Variants in CDH18 observed in about 807,000 individuals in gnomAD.
The protein encoded by CDH18 is cadherin-18.
In CDH18, 31 loss-of-function variants were observed where a neutral mutation model predicts 67.9. The observed-to-expected ratio is 0.46, with a 90% CI of 0.34 to 0.62. The LOEUF is 0.62. Among genes scored for constraint, CDH18 ranks in the 20% least tolerant of loss-of-function variants. The probability of loss-of-function intolerance (pLI) is 0.01; values close to 1 mark genes in which losing one functional copy is unlikely to be tolerated. For missense variants in CDH18, 890 were observed against 975.5 expected, an observed-to-expected ratio of 0.91 and a Z score of 1.17; for synonymous variants, 362 against 347.2, an observed-to-expected ratio of 1.04 and a Z score of -0.48.
rs149115290 is a variant in CDH18, at chr5:19,483,479, A to G, written c.1704T>C (p.Ile568=). The change falls in exon 12 of 13, where the codon ATT becomes ATC. Residue 568 remains isoleucine (I), a synonymous_variant. Transcript: ENST00000382275. ...RTVQDVYYLP[I]MISDGGIPSL... ...AGGGGATTCCACCATCAGAGATCATAATGGGCAGATAATACACATCCTGAA... is the reference window on the plus strand; with the variant it reads ...AGGGGATTCCACCATCAGAGATCATGATGGGCAGATAATACACATCCTGAA... The G allele has an allele frequency of 1.9e-6, 3 of 1,614,002 alleles. No homozygotes were observed. In the African/African-American group the frequency reaches 4.0e-5, roughly 22 times the overall value.
At chr5:20,484,650 G>A (rs1204443019) in intron 1 of CDH18, among the ~76,000 whole-genome samples, 1 of 151,978 alleles carries the variant, frequency 6.6e-6, no homozygotes, top group African/African-American at 2.4e-5. Flanking sequence ...GGAATTGGAG[G>A]TCCTTATGTT....
chr5:19,937,984 A>G (rs976522755), intron 2 of CDH18, among the ~76,000 whole-genome samples: 5 of 145,862 alleles, frequency 3.4e-5, no homozygotes, highest in African/African-American at 1.3e-4. Flanking sequence ...TAGTGTATAT[A>G]AATAGCAAAT....
At chr5:20,362,105 C>G (rs4526107) in intron 1 of CDH18, among the ~76,000 whole-genome samples, 30,468 of 151,862 alleles carry the variant, frequency 0.2, 3,186 homozygotes, top group East Asian at 0.3. Context: ...GAATTAATGT[C>G]AAGGAATGTA....
rs182989663 is a variant in CDH18 at position 20,388,406 on chromosome 5, T to C, written c.-579-132901A>G. Reference sequence around the variant, plus strand: ...GTAGTTTGTATTTCTATGGGATCGGTGGTGATATCCCCTTTATCATTTTTT... The same window carrying C: ...GTAGTTTGTATTTCTATGGGATCGGCGGTGATATCCCCTTTATCATTTTTT... On this transcript the variant is annotated intron_variant, in intron 1 of 14. Transcript: ENST00000507958. 7.7e-3 allele frequency among the ~76,000 whole-genome samples: 1,158 copies of C among 149,608 alleles called. 11 individuals are homozygous for C. Among genetic ancestry groups the C allele is most frequent in the African/African-American group, 0.027 (1,090 of 40,138 alleles).
intron 1 of CDH18, among the ~76,000 whole-genome samples, chr5:20,319,990 C>T (rs1010659591): frequency 1.3e-5 from 2 of 152,118 alleles, no homozygotes; most frequent in African/African-American, 4.8e-5. Flanking sequence ...TTTATATTCT[C>T]TCTGATTCCA....
At chr5:20,278,125 A>C (rs1000613304) in intron 1 of CDH18, among the ~76,000 whole-genome samples, 3 of 152,144 alleles carry the variant, frequency 2.0e-5, no homozygotes, top group Non-Finnish European at 4.4e-5. Context: ...AACTTCTCAA[A>C]TCAAGAAAAA....
chr5:20,497,739 T>G (rs1753996045), intron 1 of CDH18, among the ~76,000 whole-genome samples: 1 of 152,080 alleles, frequency 6.6e-6, no homozygotes, highest in Admixed American at 6.6e-5. Context: ...AAAGAGACCC[T>G]CATGAGAAAA....
intron 2 of CDH18, among the ~76,000 whole-genome samples, chr5:20,110,545 G>A (rs1747374151): frequency 6.6e-6 from 1 of 152,178 alleles, no homozygotes. Flanking sequence ...TTAGCCGGGT[G>A]TGGTGGCATG....
At chr5:20,481,073 C>A (rs1474373425) in intron 1 of CDH18, among the ~76,000 whole-genome samples, 1 of 151,738 alleles carries the variant, frequency 6.6e-6, no homozygotes, top group Non-Finnish European at 1.5e-5. Context: ...AAAAGCAAGA[C>A]CCAGTATCTG....
At chr5:20,575,575 T>C (rs1332015373) in exon 1 of CDH18, 4 of 152,250 alleles carry the variant, frequency 2.6e-5, no homozygotes. Flanking sequence ...TAAGATGAGC[T>C]ATTCCAAGGT....
At chr5:20,303,530 A>C (rs1174476657) in intron 1 of CDH18, among the ~76,000 whole-genome samples, 2 of 152,174 alleles carry the variant, frequency 1.3e-5, no homozygotes, top group Non-Finnish European at 2.9e-5. Context: ...CTTCAAAATA[A>C]AAATAAAGCA....
chr5:19,588,204 C>G (rs1021261837), intron 7 of CDH18, among the ~76,000 whole-genome samples: 1 of 151,958 alleles, frequency 6.6e-6, no homozygotes, highest in Non-Finnish European at 1.5e-5. Flanking sequence ...GAGGAAGTTT[C>G]CGAGATATAG....
chr5:19,600,490 G>T (rs1746949003), intron 6 of CDH18, among the ~76,000 whole-genome samples: 1 of 150,156 alleles, frequency 6.7e-6, no homozygotes, highest in Non-Finnish European at 1.5e-5. Context: ...ACTAAGGGTT[G>T]TCTCTCCTCA....
rs144135084 is a variant in CDH18, at chr5:20,336,472, C to T, written c.-579-80967G>A. Among the ~76,000 whole-genome samples, 1,084 of 152,148 alleles carry T rather than the reference C, an allele frequency of 7.1e-3. 9 individuals are homozygous for T. The highest frequency in any genetic ancestry group is 0.025 in the African/African-American group (1,020 of 41,518). ...GCGCAGTGGTTCATGCCTGTAATCT[C>T]AGCACTTTGGGAGGCCAAGGCGGGC... On this transcript the variant is annotated intron_variant, in intron 1 of 14. Coordinates refer to the CDH18 transcript ENST00000507958.
At chr5:19,819,608 T>A (rs1291485473) in intron 3 of CDH18, among the ~76,000 whole-genome samples, 2 of 152,110 alleles carry the variant, frequency 1.3e-5, no homozygotes, top group African/African-American at 4.8e-5. Context: ...GGATCCCAGC[T>A]ACAAGAGATC....
At chr5:20,075,273 G>A (rs945144300) in intron 2 of CDH18, among the ~76,000 whole-genome samples, 10 of 152,212 alleles carry the variant, frequency 6.6e-5, no homozygotes, top group Admixed American at 1.3e-4. Context: ...GGTAGTCTGA[G>A]GCGGGTGGAT....
At chr5:19,576,717 T>A (rs956649166) in intron 7 of CDH18, among the ~76,000 whole-genome samples, 1 of 152,092 alleles carries the variant, frequency 6.6e-6, no homozygotes, top group Non-Finnish European at 1.5e-5. Flanking sequence ...TCCCATAGGA[T>A]CCAGCAATCC....
At chr5:20,543,319 CATAATT>C (rs1184746492) in intron 1 of CDH18, among the ~76,000 whole-genome samples, 2 of 151,864 alleles carry the variant, frequency 1.3e-5, no homozygotes, top group Non-Finnish European at 2.9e-5. Flanking sequence ...TATTTTTTCT[CATAATT>C]ATAACAGCAG....
At chr5:19,811,138 G>T (rs1778653096) in intron 3 of CDH18, among the ~76,000 whole-genome samples, 1 of 111,288 alleles carries the variant, frequency 9.0e-6, no homozygotes, top group South Asian at 2.9e-4. Context: ...AAGAAAGAAA[G>T]AAAGAAAGAA....
Sources: gnomAD v4.1 joint callset for allele counts (sites outside exome capture counted in the v4.1 genomes callset) on GRCh38, gnomAD v4.1.1 for gene constraint, MANE v1.5 for transcripts, NCBI Gene and HGNC (gene_info 2026-07-23, HGNC 2026-07-21) for gene names.